The following TLE4 variants were observed in gnomAD, a reference collection of about 807,000 sequenced individuals.
The protein encoded by TLE4 is TLE family member 4, transcriptional corepressor, also known as transducin-like enhancer protein 4.
Under a neutral mutation model 92.8 loss-of-function variants are expected in TLE4, and 8 were observed. The ratio of observed to expected loss-of-function variants is 0.09; its 90% CI spans 0.05 to 0.16. TLE4 has a LOEUF of 0.16. Among genes scored for constraint, TLE4 ranks in the 10% least tolerant of loss-of-function variants. The pLI, the probability that TLE4 is intolerant of heterozygous loss-of-function variation, is 1.00. For synonymous variants in TLE4, 371 were observed against 374.1 expected (o/e 0.99, Z 0.10); for missense variants, 675 against 997.6 (o/e 0.68, Z 4.36).
At chr9:79,606,133 G>A (rs565512854) in intron 4 of TLE4, among the ~76,000 whole-genome samples, 5 of 132,394 alleles carry the variant, frequency 3.8e-5, no homozygotes, top group Middle Eastern at 5.2e-3. Flanking sequence ...CTACTAATTC[G>A]ATTCTTATAA....
intron 4 of TLE4, among the ~76,000 whole-genome samples, chr9:79,588,575 T>G (rs894681031): frequency 6.6e-6 from 1 of 152,186 alleles, no homozygotes; most frequent in African/African-American, 2.4e-5. Context: ...CACACTAGAT[T>G]AGTGGACTCA....
chr9:79,724,937 G>A, intron 19 of TLE4, 100 bp from the exon 20 acceptor site: 1 of 697,022 alleles, frequency 1.4e-6, no homozygotes, highest in South Asian at 1.4e-5. Flanking sequence ...CTTTCTGTTT[G>A]GTCAAGGAGC....
chr9:79,682,280 T>A (rs1307034546), intron 8 of TLE4, among the ~76,000 whole-genome samples: 1 of 152,144 alleles, frequency 6.6e-6, no homozygotes, highest in Non-Finnish European at 1.5e-5. Flanking sequence ...CTTGAAGTGA[T>A]GTAAAAGTGT....
At position 79,612,679 on chromosome 9, in the gene TLE4, T is replaced by C. The variant is rs369702062; in HGVS notation, c.276T>C (p.Asn92=). The C allele has an allele frequency of 1.4e-5, 23 of 1,613,100 alleles. No homozygotes were observed. Among genetic ancestry groups the C allele is most frequent in the Non-Finnish European group, 2.0e-5 (23 of 1,179,414 alleles). Reference sequence around the variant, plus strand: ...AGGCAGAGATTGTCAAGAGGCTGAATGCTATCTGTGCACAAGTCATTCCTT... The same window carrying C: ...AGGCAGAGATTGTCAAGAGGCTGAACGCTATCTGTGCACAAGTCATTCCTT... The part of the protein sequence containing the change: ...HKQAEIVKRL[N]AICAQVIPFL... The change falls in exon 5 of 20, where the codon AAT becomes AAC. Residue 92 remains asparagine (N), a synonymous_variant. Coordinates refer to ENST00000376552, the MANE Select transcript of TLE4 (RefSeq NM_007005.6).
intron 14 of TLE4, among the ~76,000 whole-genome samples, chr9:79,710,114 G>A (rs1240134751): frequency 6.6e-6 from 1 of 152,210 alleles, no homozygotes; most frequent in African/African-American, 2.4e-5. Context: ...TTTCAGAAAA[G>A]GTGACTTGCT....
chr9:79,587,757 G>T (rs1449711543), intron 4 of TLE4, among the ~76,000 whole-genome samples: 1 of 152,104 alleles, frequency 6.6e-6, no homozygotes, highest in Non-Finnish European at 1.5e-5. Context: ...CCTTCTATAG[G>T]CTAAGAGCAC....
intron 8 of TLE4, among the ~76,000 whole-genome samples, chr9:79,678,774 C>A (rs2063798270): frequency 6.7e-6 from 1 of 150,322 alleles, no homozygotes; most frequent in South Asian, 2.1e-4. Context: ...CTCCCCCCTG[C>A]CCCCACCCTA....
At chr9:79,673,760 C>T (rs1184889663) in intron 8 of TLE4, among the ~76,000 whole-genome samples, 1 of 152,096 alleles carries the variant, frequency 6.6e-6, no homozygotes, top group Non-Finnish European at 1.5e-5. Flanking sequence ...TCTTGTCAAC[C>T]ACCAAAACCA....
intron 8 of TLE4, among the ~76,000 whole-genome samples, chr9:79,675,482 A>AT (rs1466402135): frequency 6.6e-6 from 1 of 152,212 alleles, no homozygotes; most frequent in Non-Finnish European, 1.5e-5. Context: ...TTACAAAGGC[A>AT]TTTTCTTATA....
chr9:79,624,964 C>T (rs2052115513), intron 5 of TLE4, among the ~76,000 whole-genome samples: 1 of 150,484 alleles, frequency 6.6e-6, no homozygotes, highest in African/African-American at 2.4e-5. Context: ...TAAGTGTGGT[C>T]CTTTGTTTCA....
chr9:79,614,433 T>C (rs1361642702), intron 5 of TLE4, among the ~76,000 whole-genome samples: 2 of 152,130 alleles, frequency 1.3e-5, no homozygotes, highest in East Asian at 3.9e-4. Flanking sequence ...ACATGAATTA[T>C]GTTGTTTGTG....
chr9:79,678,447 T>C (rs1190022596), intron 8 of TLE4, among the ~76,000 whole-genome samples: 1 of 152,108 alleles, frequency 6.6e-6, no homozygotes. Flanking sequence ...ATAATGAATT[T>C]ATTCTATCAA....
chr9:79,618,615 C>G (rs1462909036), intron 5 of TLE4, among the ~76,000 whole-genome samples: 1 of 152,134 alleles, frequency 6.6e-6, no homozygotes, highest in East Asian at 1.9e-4. Context: ...GGAGGATGGA[C>G]ATTTTCCTCC....
chr9:79,694,560 A>G (rs2067802296), intron 8 of TLE4, among the ~76,000 whole-genome samples: 1 of 152,106 alleles, frequency 6.6e-6, no homozygotes, highest in Non-Finnish European at 1.5e-5. Flanking sequence ...ATTTATTTTC[A>G]TTCCTCAGCA....
At chr9:79,573,968 A>G (rs1365686914) in intron 2 of TLE4, 182 bp downstream of exon 2, 1 of 401,502 alleles carries the variant, frequency 2.5e-6, no homozygotes, top group East Asian at 3.6e-5. Flanking sequence ...AAATAAATTA[A>G]ACATTTCTTC....
chr9:79,717,529 C>T (rs1306551892), intron 14 of TLE4, among the ~76,000 whole-genome samples: 3 of 152,208 alleles, frequency 2.0e-5, no homozygotes, highest in Non-Finnish European at 4.4e-5. Flanking sequence ...CCCTCATCTT[C>T]CACAGCCACA....
chr9:79,725,333 G>C lies in TLE4; in HGVS notation c.*189G>C. On this transcript the variant is annotated 3_prime_UTR_variant, in exon 20 of 20. Coordinates refer to ENST00000376552, the MANE Select transcript of TLE4 (RefSeq NM_007005.6). Reference sequence around the variant, plus strand: ...AATTGTGAATAGTCATTAAAAACCTGTGATACCAAATCTTCAGCTGTCTAC... The same window carrying C: ...AATTGTGAATAGTCATTAAAAACCTCTGATACCAAATCTTCAGCTGTCTAC... 1 of 477,488 alleles carries C rather than the reference G, an allele frequency of 2.1e-6. No individual in the cohort carries two copies. Among genetic ancestry groups the C allele is most frequent in the East Asian group, 3.7e-5 (1 of 26,856 alleles). The allele number at this position is 477,488 out of a possible 1,614,324, so 29.6% of individuals were successfully genotyped here.
chr9:79,579,423 C>G (rs752315579), intron 4 of TLE4, among the ~76,000 whole-genome samples: 4 of 152,146 alleles, frequency 2.6e-5, no homozygotes, highest in Non-Finnish European at 4.4e-5. Context: ...AGATTAGGAA[C>G]AGTAGGTATG....
chr9:79,724,485 G>A (rs1331107873), intron 19 of TLE4, among the ~76,000 whole-genome samples: 1 of 152,060 alleles, frequency 6.6e-6, no homozygotes, highest in African/African-American at 2.4e-5. Context: ...GATGTCCCCA[G>A]GACAGAAGCC....
Sources: allele counts gnomAD v4.1 joint callset (sites outside exome capture counted in the v4.1 genomes callset), GRCh38; gene constraint gnomAD v4.1.1; transcripts MANE v1.5; gene names NCBI Gene and HGNC (gene_info 2026-07-23, HGNC 2026-07-21).